Variants in CTCF observed in about 807,000 individuals in gnomAD.
CTCF encodes the protein CCCTC-binding factor.
CTCF carries 7 observed loss-of-function variants against 72.3 expected under a neutral mutation model. The observed-to-expected ratio is 0.10, with a 90% CI of 0.06 to 0.18. CTCF has a LOEUF of 0.18. CTCF is among the 10% of genes least tolerant of loss of function. CTCF has a pLI of 1.00. For missense variants in CTCF, 516 were observed against 949.1 expected (o/e 0.54, Z 6.00); for synonymous variants, 374 against 315.8 (o/e 1.18, Z -1.95).
chr16:67,624,149 ATATG>A (rs2052249535), intron 7 of CTCF, among the ~76,000 whole-genome samples: 1 of 146,802 alleles, frequency 6.8e-6, no homozygotes, highest in Non-Finnish European at 1.5e-5. Context: ...GTGTGTGTAT[ATATG>A]TGTGTATATA....
intron 2 of CTCF, among the ~76,000 whole-genome samples, chr16:67,603,870 T>C (rs2051933076): frequency 6.7e-6 from 1 of 149,938 alleles, no homozygotes; most frequent in Non-Finnish European, 1.5e-5. Context: ...GGTTTATGCC[T>C]GTAATCCTAG....
intron 4 of CTCF, among the ~76,000 whole-genome samples, chr16:67,613,581 C>T (rs944494461): frequency 1.3e-5 from 2 of 152,172 alleles, no homozygotes; most frequent in African/African-American, 2.4e-5. Flanking sequence ...TCTAGACCAG[C>T]CCGGCCAACA....
intron 5 of CTCF, among the ~76,000 whole-genome samples, chr16:67,619,637 G>A (rs2052176723): frequency 6.6e-6 from 1 of 152,276 alleles, no homozygotes; most frequent in South Asian, 2.1e-4. Flanking sequence ...CTGGACTGCA[G>A]TGGCGTGATC....
At chr16:67,632,118 G>C (rs2052373980) in intron 10 of CTCF, among the ~76,000 whole-genome samples, 1 of 150,256 alleles carries the variant, frequency 6.7e-6, no homozygotes, top group African/African-American at 2.4e-5. Context: ...CTGAACTGTT[G>C]GGGGTTTTCA....
intron 2 of CTCF, among the ~76,000 whole-genome samples, chr16:67,577,614 T>G (rs2051516855): frequency 6.6e-6 from 1 of 151,526 alleles, no homozygotes. Context: ...ATTTTTTTTT[T>G]TGTATTTTTT....
chr16:67,580,909 C>T (rs894558874), intron 2 of CTCF, among the ~76,000 whole-genome samples: 5 of 151,662 alleles, frequency 3.3e-5, no homozygotes, highest in African/African-American at 1.2e-4. Flanking sequence ...AGCCACCGCA[C>T]CAGGATTTAC....
At chr16:67,623,632 CAA>C (rs577891033) in intron 7 of CTCF, among the ~76,000 whole-genome samples, 1 of 138,604 alleles carries the variant, frequency 7.2e-6, no homozygotes. Flanking sequence ...GACCCCATCT[CAA>C]AAAAAAAAAA....
Position 67,626,631 on chromosome 16 carries a change from G to C in CTCF, c.1434G>C (p.Glu478Asp). Residue 478 changes from glutamate (E) to aspartate (D), a missense_variant, in exon 8 of 12, where the codon GAG becomes GAC. Physicochemically the swap from Glu to Asp is conservative, Grantham distance 45. Around this residue, in one of 7 missense-constraint regions of CTCF, gnomAD observed 81 missense variants for 184.3 expected, o/e 0.44. Coordinates refer to ENST00000264010, the MANE Select transcript of CTCF (RefSeq NM_006565.4). The part of the protein sequence containing the change: ...KCRYCDAVFH[E>D]RYALIQHQKS... ...GTTACTGTGATGCTGTGTTTCATGA[G>C]CGCTATGCCCTCATCCAGCATCAGA... 6.3e-7 allele frequency: 1 copy of C among 1,580,042 alleles called. No homozygotes were observed. Among genetic ancestry groups the C allele is most frequent in the Non-Finnish European group, 8.6e-7 (1 of 1,162,258 alleles).
chr16:67,628,180 A>G (rs914939942), intron 8 of CTCF, among the ~76,000 whole-genome samples, 190 bp from the exon 9 acceptor site: 6 of 152,142 alleles, frequency 3.9e-5, no homozygotes, highest in African/African-American at 1.4e-4. Flanking sequence ...TGATCACACC[A>G]CTGCTCTCCA....
intron 1 of CTCF, among the ~76,000 whole-genome samples, chr16:67,566,279 G>A (rs911639072): frequency 1.3e-5 from 2 of 151,804 alleles, no homozygotes; most frequent in African/African-American, 2.4e-5. Flanking sequence ...TGAGGCGGGC[G>A]GATCACCTGA....
intron 2 of CTCF, among the ~76,000 whole-genome samples, chr16:67,580,633 C>G (rs1272677623): frequency 2.0e-5 from 3 of 151,944 alleles, no homozygotes; most frequent in African/African-American, 7.2e-5. Context: ...TCAATCTCAG[C>G]TCACTGCAGC....
At chr16:67,593,837 C>G (rs2051777562) in intron 2 of CTCF, among the ~76,000 whole-genome samples, 1 of 152,136 alleles carries the variant, frequency 6.6e-6, no homozygotes, top group Non-Finnish European at 1.5e-5. Context: ...CTTCTACTGT[C>G]TTATTCTCAG....
chr16:67,598,683 A>C (rs1026752276), intron 2 of CTCF, among the ~76,000 whole-genome samples: 1 of 152,266 alleles, frequency 6.6e-6, no homozygotes, highest in Non-Finnish European at 1.5e-5. Context: ...CTTTTAGTGT[A>C]AGCTAAGGCA....
At chr16:67,600,963 C>T (rs991206968) in intron 2 of CTCF, among the ~76,000 whole-genome samples, 3 of 151,774 alleles carry the variant, frequency 2.0e-5, no homozygotes, top group Non-Finnish European at 4.4e-5. Context: ...AAGCATAGAG[C>T]CAAAAAATAT....
chr16:67,602,514 G>A (rs1168905390), intron 2 of CTCF, among the ~76,000 whole-genome samples: 1 of 152,074 alleles, frequency 6.6e-6, no homozygotes. Context: ...AACTTTTGGG[G>A]CTTTTCAGGG....
At chr16:67,579,368 T>G (rs1156713765) in intron 2 of CTCF, among the ~76,000 whole-genome samples, 1 of 152,030 alleles carries the variant, frequency 6.6e-6, no homozygotes, top group Non-Finnish European at 1.5e-5. Context: ...TGTTTTTTTT[T>G]TATTTGAGAC....
intron 2 of CTCF, 136 bp from the exon 3 acceptor site, chr16:67,610,688 T>G: frequency 1.8e-6 from 1 of 552,696 alleles, no homozygotes; most frequent in Non-Finnish European, 2.9e-6. Flanking sequence ...GAGGCACATG[T>G]CTGTTGTGTC....
rs537906765 is a variant in CTCF at position 67,591,723 on chromosome 16, G to T, written c.-9-19101G>T. On this transcript the variant is annotated intron_variant, in intron 2 of 11. Transcript: ENST00000264010. ...CAGGAAAAACTGATTACTTTTTTTG[G>T]GGGGGGGCAGTAAGGGCACAGAGTC... Among the ~76,000 whole-genome samples the T allele has an allele frequency of 6.4e-3, 971 of 151,714 alleles. 6 individuals are homozygous for T. The highest frequency in any genetic ancestry group is 0.021 in the African/African-American group (878 of 41,368).
chr16:67,581,754 C>T (rs184819401), intron 2 of CTCF, among the ~76,000 whole-genome samples: 11 of 152,152 alleles, frequency 7.2e-5, no homozygotes, highest in South Asian at 4.2e-4. Flanking sequence ...CCACCCACCT[C>T]GGCCTCCCAA....
Sources: gnomAD v4.1 joint callset for allele counts (sites outside exome capture counted in the v4.1 genomes callset) on GRCh38, gnomAD v4.1.1 for gene constraint, gnomAD v4.1.1 regional missense constraint, MANE v1.5 for transcripts, NCBI Gene and HGNC (gene_info 2026-07-23, HGNC 2026-07-21) for gene names.